Variants in PKIB observed in about 807,000 individuals in gnomAD.
PKIB encodes the protein cAMP-dependent protein kinase inhibitor beta.
In PKIB, 2 loss-of-function variants were observed where a neutral mutation model predicts 4.5. The observed-to-expected ratio is 0.44, with a 90% CI of 0.18 to 1.39. PKIB has a LOEUF of 1.39. PKIB is among the 40% of genes most tolerant of loss of function. The probability of loss-of-function intolerance (pLI) is 0.27; values close to 1 mark genes in which losing one functional copy is unlikely to be tolerated. For missense variants in PKIB, 94 were observed against 92.6 expected (o/e 1.02, Z -0.06); for synonymous variants, 38 against 36.0 (o/e 1.06, Z -0.20).
At chr6:122,483,410 C>T (rs2114522108) in intron 2 of PKIB, 1 of 152,162 alleles carries the variant, frequency 6.6e-6, no homozygotes, top group East Asian at 1.9e-4. Context: ...ATCATAATGC[C>T]TCAGACAAAT....
intron 4 of PKIB, among the ~76,000 whole-genome samples, chr6:122,724,520 A>T (rs1447146433): frequency 2.0e-5 from 3 of 152,204 alleles, no homozygotes; most frequent in African/African-American, 7.2e-5. Context: ...GCACCAACAA[A>T]TTACATAGCC....
chr6:122,626,895 C>G (rs1022265387), intron 1 of PKIB, among the ~76,000 whole-genome samples: 3 of 151,868 alleles, frequency 2.0e-5, no homozygotes, highest in African/African-American at 7.3e-5. Context: ...TACCTGATAA[C>G]AGCTATGCAA....
chr6:122,723,803 G>T (rs1159055181), intron 4 of PKIB, among the ~76,000 whole-genome samples: 1 of 152,008 alleles, frequency 6.6e-6, no homozygotes, highest in Non-Finnish European at 1.5e-5. Flanking sequence ...CATCCTTCAG[G>T]CCACAAGACT....
intron 3 of PKIB, among the ~76,000 whole-genome samples, chr6:122,709,524 G>A (rs919126996): frequency 2.6e-5 from 4 of 151,488 alleles, no homozygotes; most frequent in East Asian, 1.9e-4. Context: ...TATAAAATAC[G>A]TTATATTTTA....
At chr6:122,692,543 G>T (rs1355668039) in intron 3 of PKIB, among the ~76,000 whole-genome samples, 1 of 152,016 alleles carries the variant, frequency 6.6e-6, no homozygotes, top group Admixed American at 6.6e-5. Flanking sequence ...CAGTCAGCTT[G>T]TGGTGAATGC....
chr6:122,666,234 G>A (rs1010569892), intron 2 of PKIB, among the ~76,000 whole-genome samples: 1 of 152,102 alleles, frequency 6.6e-6, no homozygotes, highest in Non-Finnish European at 1.5e-5. Context: ...CTGCCTCTCA[G>A]CCAGATTCAA....
At chr6:122,704,890 T>G (rs936081375) in intron 3 of PKIB, among the ~76,000 whole-genome samples, 3 of 152,078 alleles carry the variant, frequency 2.0e-5, no homozygotes, top group African/African-American at 7.2e-5. Context: ...ATCCTTCAAC[T>G]CTACAAAAAG....
chr6:122,486,881 T>A (rs1362048074), intron 2 of PKIB, among the ~76,000 whole-genome samples: 1 of 152,138 alleles, frequency 6.6e-6, no homozygotes, highest in Non-Finnish European at 1.5e-5. Flanking sequence ...AAGAATTCCA[T>A]CTACCCTTTA....
At chr6:122,564,167 T>C (rs980671384) in intron 2 of PKIB, among the ~76,000 whole-genome samples, 12 of 152,278 alleles carry the variant, frequency 7.9e-5, no homozygotes, top group Non-Finnish European at 4.4e-5. Flanking sequence ...ACTTCTGCAG[T>C]TGGGGCACTC....
intron 1 of PKIB, among the ~76,000 whole-genome samples, chr6:122,475,642 T>G (rs958155025): frequency 6.6e-6 from 1 of 151,700 alleles, no homozygotes; most frequent in African/African-American, 2.4e-5. Context: ...AAAAATTAGC[T>G]CGGTGTGGTG....
At chr6:122,581,647 C>T (rs917546992) in intron 2 of PKIB, 4 of 152,020 alleles carry the variant, frequency 2.6e-5, no homozygotes, top group African/African-American at 9.7e-5. Flanking sequence ...CAAACATAAT[C>T]CTCCTTTTAA....
At chr6:122,515,240 A>G (rs892995579) in intron 2 of PKIB, among the ~76,000 whole-genome samples, 5 of 152,208 alleles carry the variant, frequency 3.3e-5, no homozygotes, top group African/African-American at 9.6e-5. Flanking sequence ...GTATAAATAA[A>G]CAATAAAATA....
At chr6:122,547,653 T>C (rs772516744) in intron 2 of PKIB, among the ~76,000 whole-genome samples, 1 of 152,196 alleles carries the variant, frequency 6.6e-6, no homozygotes, top group Non-Finnish European at 1.5e-5. Context: ...AGCAGCTTTC[T>C]TATACTGTCT....
chr6:122,689,277 A>T (rs192010882), intron 3 of PKIB, among the ~76,000 whole-genome samples: 6 of 151,860 alleles, frequency 4.0e-5, no homozygotes, highest in Admixed American at 3.3e-4. Flanking sequence ...TTCTGCTCTG[A>T]TGTTTATTTC....
At chr6:122,538,621 C>T (rs1202401781) in intron 2 of PKIB, among the ~76,000 whole-genome samples, 22 of 152,088 alleles carry the variant, frequency 1.4e-4, no homozygotes, top group Middle Eastern at 3.4e-3. Context: ...ATGATGCCTC[C>T]GGCTTTGTTC....
At chr6:122,498,681 T>C (rs1776143314) in intron 2 of PKIB, among the ~76,000 whole-genome samples, 1 of 151,838 alleles carries the variant, frequency 6.6e-6, no homozygotes. Flanking sequence ...AAGAACAAAC[T>C]ACAAAGCCAG....
intron 1 of PKIB, among the ~76,000 whole-genome samples, chr6:122,623,936 C>T (rs1171896441): frequency 6.6e-6 from 1 of 151,884 alleles, no homozygotes; most frequent in East Asian, 1.9e-4. Context: ...ATATTAAACA[C>T]AATATGTGCC....
chr6:122,543,488 TC>T (rs1160808036), intron 2 of PKIB, among the ~76,000 whole-genome samples: 1 of 151,740 alleles, frequency 6.6e-6, no homozygotes, highest in African/African-American at 2.4e-5. Flanking sequence ...CAAGTGATTC[TC>T]CTGCTTCAGC....
At chr6:122,570,022 A>ACATGGATGCAC (rs1288034108) in intron 2 of PKIB, among the ~76,000 whole-genome samples, 1 of 152,170 alleles carries the variant, frequency 6.6e-6, no homozygotes, top group African/African-American at 2.4e-5. Context: ...CAGGAATGCA[A>ACATGGATGCAC]CATGGATGCA....
Sources: gnomAD v4.1 joint callset for allele counts (sites outside exome capture counted in the v4.1 genomes callset) on GRCh38, gnomAD v4.1.1 for gene constraint, MANE v1.5 for transcripts, NCBI Gene and HGNC (gene_info 2026-07-23, HGNC 2026-07-21) for gene names.